Variants in EEF1E1 observed in about 807,000 individuals in gnomAD.
The protein encoded by EEF1E1 is eukaryotic translation elongation factor 1 epsilon 1.
In EEF1E1, 19 loss-of-function variants were observed where a neutral mutation model predicts 19.9. The ratio of observed to expected loss-of-function variants is 0.95; its 90% CI spans 0.66 to 1.40. The LOEUF (loss-of-function observed/expected upper bound fraction) is 1.40, where lower values mean the gene tolerates loss of function less well. Ranked by LOEUF, EEF1E1 falls within the 40% of genes most tolerant of loss-of-function variation. The pLI, the probability that EEF1E1 is intolerant of heterozygous loss-of-function variation, is 0.00. For synonymous variants in EEF1E1, 81 were observed against 80.0 expected (o/e 1.01, Z -0.07); for missense variants, 198 against 202.2 (o/e 0.98, Z 0.13).
intron 3 of EEF1E1, among the ~76,000 whole-genome samples, chr6:8,086,551 C>A (rs775189657): frequency 1.3e-5 from 2 of 152,164 alleles, no homozygotes; most frequent in Non-Finnish European, 2.9e-5. Context: ...CGGTATTTTA[C>A]AGTTTATAAG....
chr6:8,081,704 A>C (rs1757727326), intron 3 of EEF1E1, among the ~76,000 whole-genome samples: 1 of 152,254 alleles, frequency 6.6e-6, no homozygotes, highest in Non-Finnish European at 1.5e-5. Context: ...CTGCAAATCT[A>C]ACAAGAAATG....
At chr6:8,080,056 A>G in intron 3 of EEF1E1, 26 bp from the exon 4 acceptor site, 1 of 1,611,024 alleles carries the variant, frequency 6.2e-7, no homozygotes, top group Non-Finnish European at 8.5e-7. Flanking sequence ...AAACATACAC[A>G]CACAACACAG....
intron 2 of EEF1E1, among the ~76,000 whole-genome samples, chr6:8,092,866 C>CTGTTTTT (rs1172803664): frequency 2.9e-5 from 3 of 102,258 alleles, no homozygotes; most frequent in African/African-American, 1.2e-4. Flanking sequence ...GTGATAAAGA[C>CTGTTTTT]TGCTTTTTTT....
intron 2 of EEF1E1, among the ~76,000 whole-genome samples, chr6:8,092,616 G>T (rs527657789): frequency 1.3e-5 from 2 of 152,148 alleles, no homozygotes; most frequent in Admixed American, 1.3e-4. Flanking sequence ...AGAATGTATT[G>T]GTATATTAGG....
At chr6:8,077,436 T>C (rs1324833324), downstream of EEF1E1, among the ~76,000 whole-genome samples, 1 of 152,230 alleles carries the variant, frequency 6.6e-6, no homozygotes, top group Admixed American at 6.5e-5. Flanking sequence ...TAATAGGCTG[T>C]TTCATATACA....
At chr6:8,089,171 C>T (rs888570016) in intron 3 of EEF1E1, among the ~76,000 whole-genome samples, 4 of 151,868 alleles carry the variant, frequency 2.6e-5, no homozygotes, top group Non-Finnish European at 2.9e-5. Flanking sequence ...ACTAAGAGGA[C>T]GTAGCTGAAG....
chr6:8,077,946 T>C (rs77254223), downstream of EEF1E1, among the ~76,000 whole-genome samples: 2 of 152,250 alleles, frequency 1.3e-5, no homozygotes, highest in East Asian at 3.9e-4. Context: ...CACTCCACCA[T>C]GCCTAATTTT....
At chr6:8,086,606 T>C (rs1003540582) in intron 3 of EEF1E1, among the ~76,000 whole-genome samples, 20 of 152,188 alleles carry the variant, frequency 1.3e-4, no homozygotes, top group African/African-American at 4.8e-4. Flanking sequence ...TCAGAAGATC[T>C]GAAAGTTTGG....
At chr6:8,086,792 T>G (rs1225960548) in intron 3 of EEF1E1, among the ~76,000 whole-genome samples, 1 of 152,106 alleles carries the variant, frequency 6.6e-6, no homozygotes, top group Non-Finnish European at 1.5e-5. Flanking sequence ...GTTTAAAAAT[T>G]TATTCAGTGT....
intron 1 of EEF1E1, among the ~76,000 whole-genome samples, chr6:8,099,448 G>A (rs1398129093): frequency 6.6e-6 from 1 of 152,076 alleles, no homozygotes; most frequent in Non-Finnish European, 1.5e-5. Flanking sequence ...AACTATCTAG[G>A]TTTAAGAACA....
chr6:8,101,244 ATATATAT>A (rs1164003207), intron 1 of EEF1E1, among the ~76,000 whole-genome samples: 1,938 of 41,508 alleles, frequency 0.047, 261 homozygotes, highest in Middle Eastern at 0.08. Flanking sequence ...AAAAAAAAAA[ATATATAT>A]ATATATATAT....
In EEF1E1 at chr6:8,097,292, T is replaced by G; in HGVS notation, c.263A>C (p.Lys88Thr). ...CTTCAACAGTGTGTGGATGTCATTTTTACTGGAGTGCCCATCTACTTGAGT... is the reference window on the plus strand; with the variant it reads ...CTTCAACAGTGTGTGGATGTCATTTGTACTGGAGTGCCCATCTACTTGAGT... ...RVTQVDGHSSKNDIHTLLKDL... is the reference protein window; with the variant it reads ...RVTQVDGHSSTNDIHTLLKDL... The change falls in exon 2 of 4, where the codon AAA becomes ACA. Residue 88 changes from lysine to threonine, a missense_variant. By Grantham distance (78) the Lys-to-Thr change is moderately conservative. Coordinates refer to ENST00000379715, the MANE Select transcript of EEF1E1 (RefSeq NM_004280.5). The G allele has an allele frequency of 6.2e-7, 1 of 1,614,232 alleles. No homozygotes were observed. Among genetic ancestry groups the G allele is most frequent in the Non-Finnish European group, 8.5e-7 (1 of 1,180,036 alleles).
chr6:8,099,565 G>C (rs1035725067), intron 1 of EEF1E1, among the ~76,000 whole-genome samples: 3 of 152,072 alleles, frequency 2.0e-5, no homozygotes, highest in Admixed American at 1.3e-4. Context: ...TAACCAACAC[G>C]GAGAAACCCC....
At chr6:8,082,132 C>T (rs1051698764) in intron 3 of EEF1E1, among the ~76,000 whole-genome samples, 6 of 152,150 alleles carry the variant, frequency 3.9e-5, no homozygotes, top group Non-Finnish European at 7.4e-5. Flanking sequence ...ATACAGAACA[C>T]AGCAAAATAA....
At chr6:8,087,375 G>T (rs1369551411) in intron 3 of EEF1E1, among the ~76,000 whole-genome samples, 1 of 152,208 alleles carries the variant, frequency 6.6e-6, no homozygotes, top group Admixed American at 6.5e-5. Context: ...GCGCCACCAC[G>T]CCTGGCTGAT....
At chr6:8,077,694 G>A (rs926898764), downstream of EEF1E1, among the ~76,000 whole-genome samples, 1 of 152,166 alleles carries the variant, frequency 6.6e-6, no homozygotes, top group Non-Finnish European at 1.5e-5. Context: ...TGTTGTGGCT[G>A]GTTTCATCTT....
In EEF1E1 at chr6:8,097,276, T is replaced by C. The variant is rs201047078; in HGVS notation, c.279A>G (p.Thr93=). The change falls in exon 2 of 4, where the codon ACA becomes ACG. Residue 93 remains threonine (T), a synonymous_variant. Coordinates refer to ENST00000379715, the MANE Select transcript of EEF1E1 (RefSeq NM_004280.5). The part of the protein sequence containing the change: ...DGHSSKNDIH[T]LLKDLNSYLE... ...AGAGAAGTCACGATACCTTCAACAG[T>C]GTGTGGATGTCATTTTTACTGGAGT... 1.2e-6 allele frequency: 2 copies of C among 1,613,960 alleles called. No homozygotes were observed. The highest frequency in any genetic ancestry group is 1.7e-6 in the Non-Finnish European group (2 of 1,179,932).
chr6:8,078,857 T>C (rs1757659592), downstream of EEF1E1: 2 of 1,094,292 alleles, frequency 1.8e-6, no homozygotes, highest in South Asian at 2.0e-5. Context: ...TTTTAGAAAG[T>C]AAGAAAATAT....
At chr6:8,099,349 A>G (rs1758258690) in intron 1 of EEF1E1, among the ~76,000 whole-genome samples, 1 of 152,234 alleles carries the variant, frequency 6.6e-6, no homozygotes, top group African/African-American at 2.4e-5. Context: ...AACTGCCTAC[A>G]TTATTCAGTA....
Sources: gnomAD v4.1 joint callset for allele counts (sites outside exome capture counted in the v4.1 genomes callset) on GRCh38, gnomAD v4.1.1 for gene constraint, MANE v1.5 for transcripts, NCBI Gene and HGNC (gene_info 2026-07-23, HGNC 2026-07-21) for gene names.